The following ZNF518A variants were observed in gnomAD, a reference collection of about 807,000 sequenced individuals.
ZNF518A encodes zinc finger protein 518.
Under a neutral mutation model 102.7 loss-of-function variants are expected in ZNF518A, and 47 were observed. The observed-to-expected ratio is 0.46, with a 90% CI of 0.36 to 0.58. ZNF518A has a LOEUF of 0.58. ZNF518A is among the 20% of genes least tolerant of loss of function. The pLI, the probability that ZNF518A is intolerant of heterozygous loss-of-function variation, is 0.00. For synonymous variants in ZNF518A, 652 were observed against 594.6 expected, an observed-to-expected ratio of 1.10 and a Z score of -1.40; for missense variants, 1,793 against 1,699.8, an observed-to-expected ratio of 1.05 and a Z score of -0.96.
At chr10:96,132,540 C>A (rs1440709864) in intron 1 of ZNF518A, 46 bp from the exon 2 acceptor site, 2 of 144,368 alleles carry the variant, frequency 1.4e-5, no homozygotes, top group Non-Finnish European at 3.0e-5. Flanking sequence ...TGTAATTGAA[C>A]AGTTTTTGTC....
rs1369728753 is a variant in ZNF518A, at chr10:96,160,364, G to A, written c.4042G>A (p.Val1348Ile). The A allele has an allele frequency of 1.9e-6, 3 of 1,613,408 alleles. No individual in the cohort carries two copies. The African/African-American group carries it at 4.0e-5, about 22-fold the overall frequency. ...ATGTCCTAGGAGAAACCAACCAGTT[G>A]TAGTTTTGAATCATCCTGACGCAGA... The part of the protein sequence containing the change: ...VKCPRRNQPV[V>I]VLNHPDADAP... The change falls in exon 6 of 6, where the codon GTA becomes ATA. Residue 1348 changes from valine to isoleucine, a missense_variant. Physicochemically the swap from Val to Ile is conservative, Grantham distance 29. This residue lies in a region of ZNF518A where 1,741 missense variants were observed against 1,622.6 expected (regional missense o/e 1.07). Coordinates refer to ENST00000316045, the MANE Select transcript of ZNF518A (RefSeq NM_001330736.2).
chr10:96,193,796 G>A (rs998158044), intron 1 of ZNF518A, among the ~76,000 whole-genome samples: 1 of 152,168 alleles, frequency 6.6e-6, no homozygotes, highest in Non-Finnish European at 1.5e-5. Context: ...AATAGTTAAT[G>A]AATTGGTTAC....
At chr10:96,186,411 T>C (rs2083272204) in intron 1 of ZNF518A, among the ~76,000 whole-genome samples, 1 of 152,194 alleles carries the variant, frequency 6.6e-6, no homozygotes, top group Admixed American at 6.5e-5. Flanking sequence ...TAGGTTGCTT[T>C]TTTTTTTGAC....
intron 1 of ZNF518A, among the ~76,000 whole-genome samples, chr10:96,188,542 A>T (rs992443492): frequency 6.6e-5 from 10 of 152,210 alleles, no homozygotes; most frequent in Admixed American, 5.2e-4. Flanking sequence ...ACTTAAATAG[A>T]AAATAATTCC....
chr10:96,189,668 G>A (rs2083298018), intron 1 of ZNF518A: 2 of 718,672 alleles, frequency 2.8e-6, no homozygotes, highest in African/African-American at 3.5e-5. Context: ...TTCTTCAATG[G>A]TGCTTTTTCT....
At position 96,191,913 on chromosome 10, in the gene ZNF518A, C is replaced by G. The variant is rs1319033672; in HGVS notation, n.36-11661C>G. 36 of 1,607,722 alleles carry G rather than the reference C, an allele frequency of 2.2e-5. No homozygotes were observed. In the East Asian group the frequency reaches 8.1e-4, roughly 36 times the overall value. On this transcript the variant is annotated intron_variant and non_coding_transcript_variant, in intron 1 of 2. Coordinates refer to the ZNF518A transcript ENST00000442635. ...AATATGAAGTTTTGGGACTTTTTCTCAAAAGGAGAAACTTTGGGAAAGTGT... is the reference window on the plus strand; with the variant it reads ...AATATGAAGTTTTGGGACTTTTTCTGAAAAGGAGAAACTTTGGGAAAGTGT...
chr10:96,172,285 G>A (rs902666573), intron 1 of ZNF518A, among the ~76,000 whole-genome samples: 33 of 151,964 alleles, frequency 2.2e-4, no homozygotes, highest in African/African-American at 7.7e-4. Flanking sequence ...GTATTTTGGG[G>A]CCAATAGCAG....
At position 96,156,588 on chromosome 10, in the gene ZNF518A, C is replaced by T. The variant is rs2133767464; in HGVS notation, c.266C>T (p.Thr89Ile). ...GCAAGAAAATCTATCAGTATAAAGA[C>T]TGTAAGCTGTGTAGAGGAGTGTACA... The part of the protein sequence containing the change: ...QTARKSISIK[T>I]VSCVEECTLL... Residue 89 changes from threonine (T) to isoleucine (I), a missense_variant, in exon 6 of 6, where the codon ACT becomes ATT. Thr to Ile is a moderately conservative substitution (Grantham distance 89, BLOSUM62 -1). Coordinates refer to ENST00000316045, the MANE Select transcript of ZNF518A (RefSeq NM_001330736.2). 3 of 1,613,730 alleles carry T rather than the reference C, an allele frequency of 1.9e-6. No individual in the cohort carries two copies. The highest frequency in any genetic ancestry group is 2.5e-6 in the Non-Finnish European group (3 of 1,179,748).
At chr10:96,197,409 A>G (rs1286752434) in intron 1 of ZNF518A, among the ~76,000 whole-genome samples, 3 of 152,126 alleles carry the variant, frequency 2.0e-5, no homozygotes, top group African/African-American at 4.8e-5. Flanking sequence ...AGTTCAAGCG[A>G]TCCTCCCACC....
rs868984634 is a variant in ZNF518A at position 96,157,223 on chromosome 10, G to A, written c.901G>A (p.Glu301Lys). Reference protein sequence around the residue: ...AKEKLEKDKYEKRMAKTSAGL... With the variant: ...AKEKLEKDKYKKRMAKTSAGL... ...AGAAAAACTGGAAAAAGACAAATAT[G>A]AAAAAAGAATGGCAAAGACTTCTGC... Residue 301 changes from glutamate to lysine, a missense_variant, in exon 6 of 6, where the codon GAA becomes AAA. Transcript: ENST00000316045. 6.2e-7 allele frequency: 1 copy of A among 1,608,012 alleles called. No homozygotes were observed. Among genetic ancestry groups the A allele is most frequent in the South Asian group, 1.1e-5 (1 of 89,746 alleles).
rs1472601507 is a variant in ZNF518A at position 96,156,306 on chromosome 10, AC to A, written c.-16del. 2.7e-5 allele frequency: 41 copies of A among 1,541,608 alleles called. No individual in the cohort carries two copies. Among genetic ancestry groups the A allele is most frequent in the Non-Finnish European group, 3.5e-5 (40 of 1,151,946 alleles). On this transcript the variant is annotated 5_prime_UTR_variant, in exon 6 of 6. Transcript: ENST00000316045. Reference sequence around the variant, plus strand: ...AGTTTTCAGAAAAAAAGAAATTGGGACTTTTTTGGTTAAATCATGCCATCTG... The same window carrying A: ...AGTTTTCAGAAAAAAAGAAATTGGGATTTTTTGGTTAAATCATGCCATCTG...
downstream of ZNF518A, chr10:96,204,349 C>T: frequency 1.3e-6 from 1 of 742,260 alleles, no homozygotes; most frequent in Non-Finnish European, 2.3e-6. Context: ...ATTAGTAGGT[C>T]TCTGCAACTC....
downstream of ZNF518A, among the ~76,000 whole-genome samples, chr10:96,165,017 T>G (rs1442704421): frequency 1.3e-5 from 2 of 152,234 alleles, no homozygotes; most frequent in African/African-American, 2.4e-5. Flanking sequence ...AAAATACTCT[T>G]GTAGATGACT....
intron 1 of ZNF518A, among the ~76,000 whole-genome samples, chr10:96,182,662 C>G (rs1591278973): frequency 6.6e-6 from 1 of 152,130 alleles, no homozygotes; most frequent in African/African-American, 2.4e-5. Flanking sequence ...AGCCTTGCAT[C>G]CCACGTATGA....
At chr10:96,177,567 G>A (rs1014415016) in intron 1 of ZNF518A, among the ~76,000 whole-genome samples, 6 of 152,192 alleles carry the variant, frequency 3.9e-5, no homozygotes, top group Admixed American at 3.9e-4. Context: ...CAAAGGCAGG[G>A]AAGGGGAAAT....
At chr10:96,137,253 C>T (rs587692432) in intron 3 of ZNF518A, among the ~76,000 whole-genome samples, 3 of 152,274 alleles carry the variant, frequency 2.0e-5, no homozygotes, top group African/African-American at 7.2e-5. Context: ...CTTTCCTATC[C>T]TTTATCATCA....
intron 1 of ZNF518A, among the ~76,000 whole-genome samples, chr10:96,198,395 T>G (rs1318795766): frequency 3.3e-5 from 5 of 152,178 alleles, no homozygotes; most frequent in Admixed American, 6.5e-5. Context: ...AGAGAAAACT[T>G]AAATCTACGT....
At chr10:96,192,748 G>A (rs2083360553) in intron 1 of ZNF518A, among the ~76,000 whole-genome samples, 1 of 151,964 alleles carries the variant, frequency 6.6e-6, no homozygotes. Flanking sequence ...CACAAATTTT[G>A]TTCTGAAAAA....
intron 1 of ZNF518A, among the ~76,000 whole-genome samples, chr10:96,178,694 A>T (rs782285172): frequency 6.6e-6 from 1 of 152,206 alleles, no homozygotes; most frequent in African/African-American, 2.4e-5. Flanking sequence ...AATAAAATTG[A>T]TAAACCTTTA....
Sources: allele counts gnomAD v4.1 joint callset (sites outside exome capture counted in the v4.1 genomes callset), GRCh38; gene constraint gnomAD v4.1.1; regional missense constraint gnomAD v4.1.1; transcripts MANE v1.5; gene names NCBI Gene and HGNC (gene_info 2026-07-23, HGNC 2026-07-21).